RIC1: variants seen among roughly 807,000 people sequenced by gnomAD.
RIC1 encodes guanine nucleotide exchange factor subunit RIC1.
A neutral mutation model predicts 169.0 loss-of-function variants in RIC1; 88 were observed. That is an observed-to-expected ratio of 0.52 (90% confidence interval 0.44 to 0.62). RIC1 has a LOEUF of 0.62. RIC1 is among the 20% of genes least tolerant of loss of function. The pLI is 0.00. For missense variants in RIC1, 1,877 were observed against 1,725.5 expected, an observed-to-expected ratio of 1.09 and a Z score of -1.56; for synonymous variants, 790 against 601.5, an observed-to-expected ratio of 1.31 and a Z score of -4.59.
chr9:5,754,679 T>C (rs551554067), intron 14 of RIC1, among the ~76,000 whole-genome samples, 162 bp from the exon 15 acceptor site: 36 of 152,102 alleles, frequency 2.4e-4, no homozygotes, highest in Non-Finnish European at 4.6e-4. Flanking sequence ...TGCAGGGAGC[T>C]GAGATCGAGC....
Position 5,762,632 on chromosome 9 carries a change from A to T in RIC1, c.2084A>T (p.Asp695Val), listed in dbSNP as rs1482788182. 4 of 1,613,878 alleles carry T rather than the reference A, an allele frequency of 2.5e-6. No individual in the cohort carries two copies. The highest frequency in any genetic ancestry group is 3.4e-6 in the Non-Finnish European group (4 of 1,179,934). The change falls in exon 18 of 26, where the codon GAC (aspartate) becomes GTC (valine). Residue 695 changes from aspartate to valine, a missense_variant. Transcript: ENST00000414202. Reference sequence around the variant, plus strand: ...TCAGGCCCACAGATCCGGGAGAAGGACAGTAACCCTAATAACCAAAGGAAA... The same window carrying T: ...TCAGGCCCACAGATCCGGGAGAAGGTCAGTAACCCTAATAACCAAAGGAAA... ...DRSGPQIREK[D>V]SNPNNQRKLL...
At chr9:5,643,110 G>A (rs1818330346) in intron 1 of RIC1, among the ~76,000 whole-genome samples, 1 of 152,030 alleles carries the variant, frequency 6.6e-6, no homozygotes, top group Admixed American at 6.5e-5. Flanking sequence ...GACCAGTCTG[G>A]ACAGTATAGG....
At chr9:5,769,834 A>T (rs962805572) in intron 22 of RIC1, among the ~76,000 whole-genome samples, 1 of 152,228 alleles carries the variant, frequency 6.6e-6, no homozygotes, top group Admixed American at 6.5e-5. Context: ...GAAGATCAAC[A>T]TAATAAAGTT....
At chr9:5,671,299 T>G (rs924324660) in intron 2 of RIC1, among the ~76,000 whole-genome samples, 1 of 151,254 alleles carries the variant, frequency 6.6e-6, no homozygotes, top group African/African-American at 2.4e-5. Context: ...AGACGGCATC[T>G]TGCTCTGTCA....
intron 9 of RIC1, among the ~76,000 whole-genome samples, chr9:5,743,254 G>A (rs1563943253): frequency 6.6e-6 from 1 of 152,138 alleles, no homozygotes; most frequent in African/African-American, 2.4e-5. Flanking sequence ...ATGACAGCAT[G>A]TTAGACACAA....
intron 1 of RIC1, among the ~76,000 whole-genome samples, chr9:5,655,940 G>C (rs1269424919): frequency 6.6e-6 from 1 of 151,918 alleles, no homozygotes; most frequent in Admixed American, 6.6e-5. Context: ...TGTGATCTCG[G>C]CTCACTGCAA....
At chr9:5,698,745 G>A (rs1822048159) in intron 3 of RIC1, among the ~76,000 whole-genome samples, 1 of 152,154 alleles carries the variant, frequency 6.6e-6, no homozygotes, top group South Asian at 2.1e-4. Context: ...TCTATAAAAT[G>A]AGAAAAATGA....
chr9:5,707,096 A>C lies in RIC1; in HGVS notation c.333-6800A>C, dbSNP rs151301105. On this transcript the variant is annotated intron_variant, in intron 3 of 25. Coordinates refer to ENST00000414202, the MANE Select transcript of RIC1 (RefSeq NM_020829.4). ...CCCATAACGTTGCATGTTTGTTTTC[A>C]TTAGTTTCAGAGCATTTCCTGATTT... is the stretch of plus-strand genomic sequence containing the variant. Among the ~76,000 whole-genome samples the C allele has an allele frequency of 3.8e-3, 581 of 152,160 alleles. 2 individuals are homozygous for C. Among genetic ancestry groups the C allele is most frequent in the African/African-American group, 0.013 (558 of 41,544 alleles).
intron 8 of RIC1, 71 bp from the exon 9 acceptor site, chr9:5,742,798 G>GAAA (rs201838674): frequency 0.22 from 224,099 of 996,926 alleles, 13,131 homozygotes; most frequent in East Asian, 0.36. Context: ...GATTGTATTT[G>GAAA]AAAAAAAAAA....
chr9:5,763,632 C>G lies in RIC1; in HGVS notation c.2605C>G (p.Leu869Val). Residue 869 changes from leucine to valine, a missense_variant, in exon 19 of 26, where the codon CTG becomes GTG. Around this residue, in one of 3 missense-constraint regions of RIC1, gnomAD observed 92 missense variants for 151.5 expected, o/e 0.61. Transcript: ENST00000414202. This position sits in a 1 kb window ranked among gnomAD's most constrained non-coding sequence, Gnocchi z 5.2. ...HVLELMLHEV[L>V]EEEATSREPI... ...GCTGGAGCTCATGCTCCATGAAGTA[C>G]TGGAAGAAGAAGCTACCTCACGGGA... 6.2e-7 allele frequency: 1 copy of G among 1,614,188 alleles called. No homozygotes were observed. Among genetic ancestry groups the G allele is most frequent in the Non-Finnish European group, 8.5e-7 (1 of 1,180,024 alleles).
intron 7 of RIC1, among the ~76,000 whole-genome samples, chr9:5,736,532 G>T (rs1414772054): frequency 6.6e-6 from 1 of 152,136 alleles, no homozygotes; most frequent in Non-Finnish European, 1.5e-5. Flanking sequence ...TAAGCACATG[G>T]AAATCAGAGA....
At chr9:5,639,718 T>G (rs1818144341) in intron 1 of RIC1, among the ~76,000 whole-genome samples, 1 of 152,212 alleles carries the variant, frequency 6.6e-6, no homozygotes, top group South Asian at 2.1e-4. Context: ...GAGGTCTAGC[T>G]CTCTCTTTAG....
At chr9:5,717,632 G>A (rs1335397526) in intron 4 of RIC1, among the ~76,000 whole-genome samples, 12 of 152,116 alleles carry the variant, frequency 7.9e-5, no homozygotes, top group Non-Finnish European at 1.8e-4. Flanking sequence ...ATCACCTGAG[G>A]TCAGGAGTTC....
chr9:5,758,442 G>A (rs893698220), intron 17 of RIC1, among the ~76,000 whole-genome samples: 4 of 152,190 alleles, frequency 2.6e-5, no homozygotes, highest in East Asian at 1.9e-4. Context: ...GACTAGACTA[G>A]ACTATCCAGT....
intron 3 of RIC1, among the ~76,000 whole-genome samples, chr9:5,703,634 C>A (rs897177356): frequency 6.6e-6 from 1 of 152,192 alleles, no homozygotes; most frequent in Non-Finnish European, 1.5e-5. Context: ...TGGAATCACA[C>A]ACTATGTACC....
intron 3 of RIC1, among the ~76,000 whole-genome samples, chr9:5,690,932 A>G (rs1323407750): frequency 6.6e-6 from 1 of 151,914 alleles, no homozygotes; most frequent in Non-Finnish European, 1.5e-5. Flanking sequence ...GTAGTAACCC[A>G]AATAAAATAA....
At chr9:5,652,347 G>A (rs945820901) in intron 1 of RIC1, among the ~76,000 whole-genome samples, 3 of 152,008 alleles carry the variant, frequency 2.0e-5, no homozygotes, top group Admixed American at 6.6e-5. Context: ...TATAAACATG[G>A]GATATCTTTC....
intron 6 of RIC1, among the ~76,000 whole-genome samples, chr9:5,731,468 G>C (rs1203391037): frequency 1.3e-5 from 2 of 152,080 alleles, no homozygotes; most frequent in African/African-American, 4.8e-5. Flanking sequence ...AGTTCATATA[G>C]TTGTGATTAT....
rs750573725 is a variant in RIC1 at position 5,743,693 on chromosome 9, A to G, written c.1051A>G (p.Arg351Gly). The G allele has an allele frequency of 4.0e-5, 65 of 1,605,274 alleles. No individual in the cohort carries two copies. The Admixed American group carries it at 1.1e-3, about 26-fold the overall frequency. ...TTAGTTTCTGTTCTGTTTCAGTTATAGGTCTGATGGCACCAAAAAAGATCC... is the reference window on the plus strand; with the variant it reads ...TTAGTTTCTGTTCTGTTTCAGTTATGGGTCTGATGGCACCAAAAAAGATCC... The part of the protein sequence containing the change: ...ICTLGGDFAY[R>G]SDGTKKDPLK... Residue 351 changes from arginine to glycine, a missense_variant, in exon 10 of 26, where the codon AGG becomes GGG. Coordinates refer to ENST00000414202, the MANE Select transcript of RIC1 (RefSeq NM_020829.4).
Sources: gnomAD v4.1 joint callset for allele counts (sites outside exome capture counted in the v4.1 genomes callset) on GRCh38, gnomAD v4.1.1 for gene constraint, gnomAD v4.1.1 regional missense constraint, Gnocchi (gnomAD v3.1) non-coding constraint, MANE v1.5 for transcripts, NCBI Gene and HGNC (gene_info 2026-07-23, HGNC 2026-07-21) for gene names.